Variants in GPD2 observed in about 807,000 individuals in gnomAD.
GPD2 encodes the protein glycerol-3-phosphate dehydrogenase 2.
GPD2 carries 54 observed loss-of-function variants against 82.4 expected under a neutral mutation model. The ratio of observed to expected loss-of-function variants is 0.66; its 90% CI spans 0.53 to 0.82. The LOEUF (loss-of-function observed/expected upper bound fraction) is 0.82, where lower values mean the gene tolerates loss of function less well. Among genes scored for constraint, GPD2 ranks in the 40% least tolerant of loss-of-function variants. The pLI, the probability that GPD2 is intolerant of heterozygous loss-of-function variation, is 0.00. For synonymous variants in GPD2, 288 were observed against 306.1 expected, an observed-to-expected ratio of 0.94 and a Z score of 0.62; for missense variants, 748 against 896.2, an observed-to-expected ratio of 0.83 and a Z score of 2.11.
At chr2:156,530,006 T>C (rs546654151) in intron 6 of GPD2, among the ~76,000 whole-genome samples, 176 of 151,768 alleles carry the variant, frequency 1.2e-3, no homozygotes, top group African/African-American at 4.2e-3. Context: ...GGGGATGGCA[T>C]TGAATCTGTA....
the GPD2 span, among the ~76,000 whole-genome samples, chr2:156,407,030 G>C: frequency 0.2 from 29,743 of 151,962 alleles, 3,301 homozygotes; most frequent in Non-Finnish European, 0.24. Context: ...TGCTAACATG[G>C]TGAAACCCCG....
the GPD2 span, among the ~76,000 whole-genome samples, chr2:156,423,820 A>C: frequency 6.6e-6 from 1 of 152,166 alleles, no homozygotes; most frequent in Non-Finnish European, 1.5e-5. Flanking sequence ...GGTTCCTCCA[A>C]GGCAGAGCCG....
At chr2:156,575,702 G>A (rs1408719077) in intron 13 of GPD2, among the ~76,000 whole-genome samples, 4 of 151,830 alleles carry the variant, frequency 2.6e-5, no homozygotes, top group Non-Finnish European at 4.4e-5. Flanking sequence ...CACCACACCC[G>A]GTCCTCATTT....
chr2:156,457,185 C>T (rs1682816208), intron 1 of GPD2, among the ~76,000 whole-genome samples: 1 of 152,062 alleles, frequency 6.6e-6, no homozygotes, highest in Non-Finnish European at 1.5e-5. Context: ...AAGCAACTCC[C>T]CACCTTCTCT....
intron 2 of GPD2, among the ~76,000 whole-genome samples, chr2:156,487,967 G>T (rs528607860): frequency 6.6e-6 from 1 of 152,242 alleles, no homozygotes; most frequent in Non-Finnish European, 1.5e-5. Context: ...TTTTCTAATT[G>T]CTATTAAAAG....
intron 13 of GPD2, among the ~76,000 whole-genome samples, chr2:156,573,519 G>A (rs189172873): frequency 9.3e-4 from 142 of 152,200 alleles, no homozygotes; most frequent in African/African-American, 3.2e-3. Flanking sequence ...AATTATGGTC[G>A]GAATGATTTG....
rs747169539 is a variant in GPD2 at position 156,569,345 on chromosome 2, C to T, written c.1301-18C>T. On this transcript the variant is annotated intron_variant, in intron 10 of 16. Coordinates refer to ENST00000438166, the MANE Select transcript of GPD2 (RefSeq NM_000408.5). The stretch of plus-strand genomic sequence containing the variant: ...AAGGGGTGGCAACCTGATGAATTGT[C>T]TATCAATTTCTTTATAGGTGGAAAG... The T allele has an allele frequency of 3.2e-6, 5 of 1,562,866 alleles. No homozygotes were observed. In the South Asian group the frequency reaches 5.6e-5, roughly 17 times the overall value.
chr2:156,413,366 G>T, the GPD2 span, among the ~76,000 whole-genome samples: 1 of 151,200 alleles, frequency 6.6e-6, no homozygotes, highest in Non-Finnish European at 1.5e-5. Context: ...TGGATCACCT[G>T]AGGTCAGGAG....
chr2:156,418,881 G>T, the GPD2 span, among the ~76,000 whole-genome samples: 5 of 151,958 alleles, frequency 3.3e-5, no homozygotes, highest in Admixed American at 3.3e-4. Flanking sequence ...GCCTTACAGA[G>T]AGAGAAAGAA....
At chr2:156,521,096 T>G (rs1685390808) in intron 6 of GPD2, among the ~76,000 whole-genome samples, 1 of 152,052 alleles carries the variant, frequency 6.6e-6, no homozygotes, top group Non-Finnish European at 1.5e-5. Flanking sequence ...GGGTATAATT[T>G]CAAAAAGGGA....
the GPD2 span, among the ~76,000 whole-genome samples, chr2:156,419,241 T>A: frequency 6.6e-6 from 1 of 151,962 alleles, no homozygotes; most frequent in African/African-American, 2.4e-5. Flanking sequence ...GTATTTTTAG[T>A]AGAGACGAGG....
chr2:156,401,256 A>C, the GPD2 span, among the ~76,000 whole-genome samples: 2 of 152,360 alleles, frequency 1.3e-5, no homozygotes, highest in Non-Finnish European at 2.9e-5. Flanking sequence ...ACTAGAAGAC[A>C]CTTACACCCT....
the GPD2 span, among the ~76,000 whole-genome samples, chr2:156,406,991 A>G: frequency 6.6e-6 from 1 of 152,164 alleles, no homozygotes; most frequent in African/African-American, 2.4e-5. Flanking sequence ...CGGGCAGATC[A>G]CCTGAGGTCA....
intron 8 of GPD2, among the ~76,000 whole-genome samples, chr2:156,556,350 A>T (rs573574201): frequency 6.6e-6 from 1 of 152,236 alleles, no homozygotes; most frequent in Non-Finnish European, 1.5e-5. Context: ...AGAAGCAGCT[A>T]TCTGAAGATT....
intron 1 of GPD2, among the ~76,000 whole-genome samples, chr2:156,451,516 G>A (rs1186758697): frequency 9.5e-6 from 1 of 105,790 alleles, no homozygotes; most frequent in Non-Finnish European, 1.9e-5. Context: ...CCGAGCGGGG[G>A]GGCTGACCCC....
At chr2:156,582,651 T>C in intron 16 of GPD2, 142 bp from the exon 17 acceptor site, 1 of 872,004 alleles carries the variant, frequency 1.1e-6, no homozygotes, top group South Asian at 1.4e-5. Flanking sequence ...TAGACTCTTC[T>C]TATCTGAGCT....
chr2:156,579,216 A>C (rs1363062022), intron 15 of GPD2, 52 bp downstream of exon 15: 2 of 1,031,526 alleles, frequency 1.9e-6, no homozygotes. Flanking sequence ...ATATAAAAAT[A>C]TTAGATGTTT....
At chr2:156,551,735 G>T (rs886402457) in intron 8 of GPD2, among the ~76,000 whole-genome samples, 3 of 152,100 alleles carry the variant, frequency 2.0e-5, no homozygotes, top group Admixed American at 6.5e-5. Context: ...TACTTTTAAT[G>T]CCCTAGGAAA....
chr2:156,496,217 TA>T lies in GPD2; in HGVS notation c.274+4del. On this transcript the variant is annotated splice_donor_region_variant and intron_variant, in intron 3 of 16. Transcript: ENST00000438166. ...GTGCGCTAGATGCTGTCACCAGAGG[TA>T]AGTCTTTTTTTTTTTTATTTTAATT... 6.3e-7 allele frequency: 1 copy of T among 1,597,026 alleles called. No homozygotes were observed. The highest frequency in any genetic ancestry group is 8.6e-7 in the Non-Finnish European group (1 of 1,166,220).
Sources: gnomAD v4.1 joint callset for allele counts (sites outside exome capture counted in the v4.1 genomes callset) on GRCh38, gnomAD v4.1.1 for gene constraint, MANE v1.5 for transcripts, NCBI Gene and HGNC (gene_info 2026-07-23, HGNC 2026-07-21) for gene names.